Variants in SOAT2 observed in about 807,000 individuals in gnomAD.
The protein encoded by SOAT2 is ACAT-2.
In SOAT2, 87 loss-of-function variants were observed where a neutral mutation model predicts 76.0. That is an observed-to-expected ratio of 1.14 (90% CI 0.96 to 1.37). SOAT2 has a LOEUF of 1.37. Ranked by LOEUF, SOAT2 falls within the 40% of genes most tolerant of loss-of-function variation. The pLI is 0.00. For synonymous variants in SOAT2, 285 were observed against 275.4 expected (o/e 1.03, Z -0.34); for missense variants, 686 against 682.1 (o/e 1.01, Z -0.06).
At chr12:53,105,790 C>CTGA in intron 4 of SOAT2, 117 bp from the exon 5 acceptor site, 1 of 976,024 alleles carries the variant, frequency 1.0e-6, no homozygotes, top group East Asian at 2.5e-5. Context: ...GGAAGAAAGG[C>CTGA]CTTTAGCTGG....
rs1937909783 is a variant in SOAT2, at chr12:53,105,088, C to T, written c.139-19C>T. 6 of 1,552,456 alleles carry T rather than the reference C, an allele frequency of 3.9e-6. No individual in the cohort carries two copies. The highest frequency in any genetic ancestry group is 1.4e-5 in the African/African-American group (1 of 73,062). On this transcript the variant is annotated intron_variant, in intron 2 of 14. Transcript: ENST00000301466. ...CTGACTGGAGGGACAGTGGGCTCTA[C>T]CCTGGCTTTGTCCCGTAGGCTGTGA...
rs1938242338 is a variant in SOAT2 at position 53,124,343 on chromosome 12, C to T, written c.*220C>T. ...GGGTGACCAGGGTGACTCTTCAATC[C>T]CTATCCCCATGGGCTGGGTACAGGA... On this transcript the variant is annotated 3_prime_UTR_variant, in exon 15 of 15. Transcript: ENST00000301466. 7 of 600,948 alleles carry T rather than the reference C, an allele frequency of 1.2e-5. No individual in the cohort carries two copies. Among genetic ancestry groups the T allele is most frequent in the Non-Finnish European group, 2.1e-5 (7 of 336,334 alleles). 37.2% of individuals were successfully genotyped at this position (600,948 alleles called of 1,614,324 possible). A position where few individuals can be genotyped will look rare whatever the true frequency, so the allele number is the denominator to read the frequency against.
At chr12:53,117,261 A>C (rs1938118510) in intron 7 of SOAT2, among the ~76,000 whole-genome samples, 1 of 113,892 alleles carries the variant, frequency 8.8e-6, no homozygotes, top group African/African-American at 4.1e-5. Flanking sequence ...GCGCCCGGCC[A>C]ATTTTTTTTT....
At chr12:53,116,779 G>A (rs565624525) in intron 7 of SOAT2, among the ~76,000 whole-genome samples, 29 of 151,508 alleles carry the variant, frequency 1.9e-4, no homozygotes, top group African/African-American at 6.8e-4. Flanking sequence ...GAGGTGAGAA[G>A]ATTACTTGAG....
chr12:53,110,957 A>T (rs1306024539), intron 5 of SOAT2, among the ~76,000 whole-genome samples: 1 of 152,184 alleles, frequency 6.6e-6, no homozygotes, highest in Non-Finnish European at 1.5e-5. Flanking sequence ...TAAAAAGGAC[A>T]CAATTTTTAG....
rs2121298357 is a variant in SOAT2, at chr12:53,119,222, G to A, written c.1008G>A (p.Leu336=). 1.2e-6 allele frequency: 2 copies of A among 1,614,104 alleles called. No homozygotes were observed. The highest frequency in any genetic ancestry group is 1.1e-5 in the South Asian group (1 of 91,076). ...GAGAGCCCTTCAGCACCCGTGCCCT[G>A]GTGCTCTCTATCCTGCATGCCACGT... ...MSREPFSTRA[L]VLSILHATLP... Residue 336 remains leucine (L), a synonymous_variant, in exon 10 of 15, where the codon CTG becomes CTA. Transcript: ENST00000301466.
chr12:53,118,045 G>A (rs1415261534), intron 7 of SOAT2, among the ~76,000 whole-genome samples: 3 of 152,128 alleles, frequency 2.0e-5, no homozygotes, highest in Non-Finnish European at 4.4e-5. Context: ...AGACAGAAGG[G>A]GAAGGAGAAT....
At chr12:53,105,719 G>A in intron 4 of SOAT2, 99 bp downstream of exon 4, 1 of 1,209,364 alleles carries the variant, frequency 8.3e-7, no homozygotes, top group Non-Finnish European at 1.2e-6. Context: ...GGTGGTTTGT[G>A]GAGAGGACTT....
At chr12:53,105,797 C>G in intron 4 of SOAT2, 110 bp from the exon 5 acceptor site, 3 of 932,388 alleles carry the variant, frequency 3.2e-6, no homozygotes, top group Non-Finnish European at 4.7e-6. Context: ...AGGCCTTTAG[C>G]TGGAAGTTCT....
Position 53,119,268 on chromosome 12 carries a change from G to A in SOAT2, c.1039+15G>A, listed in dbSNP as rs1031613640. The A allele has an allele frequency of 6.8e-6, 11 of 1,613,542 alleles. No homozygotes were observed. Among genetic ancestry groups the A allele is most frequent in the Non-Finnish European group, 2.5e-6 (3 of 1,179,818 alleles). On this transcript the variant is annotated intron_variant, in intron 10 of 14. Transcript: ENST00000301466. ...CACGTTGCCAGGTGAGCCAACTAAG[G>A]TAGGGCTAGAGCAGCTGTGCCCTGG...
rs2121287722 is a variant in SOAT2, at chr12:53,115,501, A to G, written c.555A>G (p.Leu185=). Residue 185 remains leucine (L), a synonymous_variant, in exon 6 of 15, where the codon CTA becomes CTG. Coordinates refer to ENST00000301466, the MANE Select transcript of SOAT2 (RefSeq NM_003578.4). ...LSTLLAPYQA[L]RLWARGTWTQ... ...CCCTGTTGGCGCCGTACCAGGCCCTACGGCTGTGGGCCAGGGGCACCTGGA... is the reference window on the plus strand; with the variant it reads ...CCCTGTTGGCGCCGTACCAGGCCCTGCGGCTGTGGGCCAGGGGCACCTGGA... 1 of 1,609,398 alleles carries G rather than the reference A, an allele frequency of 6.2e-7. No individual in the cohort carries two copies. The highest frequency in any genetic ancestry group is 2.2e-5 in the East Asian group (1 of 44,868).
chr12:53,105,314 G>C, intron 3 of SOAT2, 71 bp downstream of exon 3: 1 of 1,525,670 alleles, frequency 6.6e-7, no homozygotes, highest in Non-Finnish European at 8.9e-7. Flanking sequence ...CACGTTATGT[G>C]CCCTTGCCAG....
chr12:53,103,864 C>A (rs1452683739), intron 1 of SOAT2, among the ~76,000 whole-genome samples: 2 of 152,200 alleles, frequency 1.3e-5, no homozygotes, highest in African/African-American at 2.4e-5. Flanking sequence ...TGTGGCCTGG[C>A]CTTATCCTTC....
At chr12:53,110,603 T>C (rs908427773) in intron 5 of SOAT2, among the ~76,000 whole-genome samples, 1 of 152,212 alleles carries the variant, frequency 6.6e-6, no homozygotes, top group Non-Finnish European at 1.5e-5. Flanking sequence ...AGATCCTTTC[T>C]TATATAAATT....
chr12:53,106,478 T>C (rs1210609269), intron 5 of SOAT2, among the ~76,000 whole-genome samples: 1 of 152,134 alleles, frequency 6.6e-6, no homozygotes, highest in Non-Finnish European at 1.5e-5. Flanking sequence ...GTGGGTCATT[T>C]CCCCCACAGA....
In SOAT2 at chr12:53,120,946, G is replaced by A. The variant is rs1477037052; in HGVS notation, c.1137+63G>A. The A allele has an allele frequency of 1.2e-5, 15 of 1,247,234 alleles. No homozygotes were observed. In the East Asian group the frequency reaches 1.4e-4, roughly 12 times the overall value. The allele number at this position is 1,247,234 out of a possible 1,614,324, so 77.3% of individuals were successfully genotyped here. A position where few individuals can be genotyped will look rare whatever the true frequency, so the allele number is the denominator to read the frequency against. On this transcript the variant is annotated intron_variant, in intron 11 of 14. Coordinates refer to ENST00000301466, the MANE Select transcript of SOAT2 (RefSeq NM_003578.4). ...AGGGAGGGTTAGGGAGGGATCTGGG[G>A]AAGATGGTAGCCAGGTTGGGTGTCA...
At chr12:53,119,098 G>T in intron 9 of SOAT2, 26 bp from the exon 10 acceptor site, 4 of 1,613,730 alleles carry the variant, frequency 2.5e-6, no homozygotes, top group Non-Finnish European at 3.4e-6. Context: ...TCCCTCTCCA[G>T]TTATGTGTCC....
At chr12:53,121,061 G>A (rs550652703) in intron 11 of SOAT2, among the ~76,000 whole-genome samples, 178 bp downstream of exon 11, 1 of 152,192 alleles carries the variant, frequency 6.6e-6, no homozygotes, top group Admixed American at 6.5e-5. Context: ...GACAAGCCAG[G>A]GCTAACTGCT....
At chr12:53,114,765 C>T (rs1233101305) in intron 5 of SOAT2, among the ~76,000 whole-genome samples, 2 of 152,162 alleles carry the variant, frequency 1.3e-5, no homozygotes, top group Non-Finnish European at 2.9e-5. Context: ...ATTTTCCATG[C>T]ATTGACATTC....
Sources: gnomAD v4.1 joint callset for allele counts (sites outside exome capture counted in the v4.1 genomes callset) on GRCh38, gnomAD v4.1.1 for gene constraint, MANE v1.5 for transcripts, NCBI Gene and HGNC (gene_info 2026-07-23, HGNC 2026-07-21) for gene names.